The following SV2B variants were observed in gnomAD, a reference collection of about 807,000 sequenced individuals.
SV2B encodes the protein synaptic vesicle glycoprotein 2B, also known as solute carrier family 22 member B2.
In SV2B, 41 loss-of-function variants were observed where a neutral mutation model predicts 73.9. The observed-to-expected ratio is 0.56, with a 90% CI of 0.43 to 0.72. The LOEUF (loss-of-function observed/expected upper bound fraction) is 0.72. SV2B is among the 30% of genes least tolerant of loss of function. The pLI, the probability that SV2B is intolerant of heterozygous loss-of-function variation, is 0.00. For missense variants in SV2B, 764 were observed against 857.8 expected (o/e 0.89, Z 1.37); for synonymous variants, 314 against 314.2 (o/e 1.00, Z 0.01).
At chr15:91,274,511 G>A (rs887500064) in intron 9 of SV2B, among the ~76,000 whole-genome samples, 1 of 152,070 alleles carries the variant, frequency 6.6e-6, no homozygotes, top group African/African-American at 2.4e-5. Flanking sequence ...ATTCAGGTGC[G>A]GTAGTTCTTG....
intron 1 of SV2B, among the ~76,000 whole-genome samples, chr15:91,200,206 G>A (rs1365877245): frequency 6.6e-6 from 1 of 152,114 alleles, no homozygotes. Context: ...TTTGAGTTTG[G>A]TCTTTGTGGA....
chr15:91,102,612 G>A (rs1866850740), intron 1 of SV2B, among the ~76,000 whole-genome samples: 1 of 152,290 alleles, frequency 6.6e-6, no homozygotes, highest in South Asian at 2.1e-4. Flanking sequence ...TAATGAGAGA[G>A]TGTGTGTATG....
intron 1 of SV2B, among the ~76,000 whole-genome samples, chr15:91,173,513 A>G (rs183508529): frequency 6.6e-6 from 1 of 152,276 alleles, no homozygotes. Context: ...TTGTATCATG[A>G]TACTACTTCC....
chr15:91,203,745 G>A (rs1281744739), intron 1 of SV2B, among the ~76,000 whole-genome samples: 1 of 152,120 alleles, frequency 6.6e-6, no homozygotes, highest in East Asian at 1.9e-4. Flanking sequence ...CCTAACAAAC[G>A]GGGGACTTTT....
intron 2 of SV2B, among the ~76,000 whole-genome samples, chr15:91,233,511 TTA>T (rs1289950355): frequency 6.6e-6 from 1 of 152,174 alleles, no homozygotes; most frequent in Non-Finnish European, 1.5e-5. Flanking sequence ...AGTGGCTGAA[TTA>T]TAGTGAAAAT....
At position 91,252,266 on chromosome 15, in the gene SV2B, T is replaced by C; in HGVS notation, c.633-103T>C. 3 of 1,460,480 alleles carry C rather than the reference T, an allele frequency of 2.1e-6. No individual in the cohort carries two copies. In the East Asian group the frequency reaches 6.9e-5, roughly 33 times the overall value. 90.5% of individuals were successfully genotyped at this position (1,460,480 alleles called of 1,614,324 possible). On this transcript the variant is annotated intron_variant, in intron 3 of 12. Transcript: ENST00000394232. The surrounding 1 kb of genome is among the most constrained non-coding windows in gnomAD (Gnocchi z 4.6). ...CCGGTCTCTCAAATTCACTGGGTCC[T>C]TTCACCACAGAGCCTAAGGTGGGGT... is the stretch of plus-strand genomic sequence containing the variant.
At chr15:91,269,834 A>G (rs1303075526) in intron 9 of SV2B, among the ~76,000 whole-genome samples, 2 of 152,236 alleles carry the variant, frequency 1.3e-5, no homozygotes, top group Non-Finnish European at 2.9e-5. Flanking sequence ...TCAGATTTTC[A>G]GAATTTTTAA....
chr15:91,152,071 C>CT (rs59094531), intron 1 of SV2B, among the ~76,000 whole-genome samples: 33,893 of 137,168 alleles, frequency 0.25, 5,117 homozygotes, highest in East Asian at 0.63. Context: ...AATTTTTACT[C>CT]TTTTTTTTTT....
Position 91,249,068 on chromosome 15 carries a change from T to TCA in SV2B, c.452-2712_452-2711dup, listed in dbSNP as rs59552488. 6.0e-3 allele frequency among the ~76,000 whole-genome samples: 853 copies of TCA among 142,094 alleles called. 10 individuals are homozygous for TCA. The highest frequency in any genetic ancestry group is 4.7e-3 in the South Asian group (21 of 4,424). The allele number at this position is 142,094 out of a possible 152,430, so 93.2% of individuals were successfully genotyped here. The stretch of plus-strand genomic sequence containing the variant: ...TGCATGCATCCATACATCTACGTTT[T>TCA]CACACACACACACACACACACACAC... On this transcript the variant is annotated intron_variant, in intron 2 of 12. Coordinates refer to ENST00000394232, the MANE Select transcript of SV2B (RefSeq NM_001323032.3).
At chr15:91,207,669 T>G (rs989879557) in intron 1 of SV2B, among the ~76,000 whole-genome samples, 3 of 152,172 alleles carry the variant, frequency 2.0e-5, no homozygotes, top group African/African-American at 7.2e-5. Context: ...GCATACCAAC[T>G]TATTTAACGT....
At chr15:91,244,063 T>A (rs1567384552) in intron 2 of SV2B, among the ~76,000 whole-genome samples, 1 of 152,232 alleles carries the variant, frequency 6.6e-6, no homozygotes, top group Non-Finnish European at 1.5e-5. Context: ...CATTGGTGAC[T>A]CACTCAACTA....
rs2041853946 is a variant in SV2B, at chr15:91,105,336, T to C, written c.-392+4973T>C. 6.6e-6 allele frequency among the ~76,000 whole-genome samples: 1 copy of C among 151,938 alleles called. No individual in the cohort carries two copies. Among genetic ancestry groups the C allele is most frequent in the Non-Finnish European group, 1.5e-5 (1 of 67,980 alleles). On this transcript the variant is annotated intron_variant, in intron 1 of 12. Coordinates refer to ENST00000394232, the MANE Select transcript of SV2B (RefSeq NM_001323032.3). This position sits in a 1 kb window ranked among gnomAD's most constrained non-coding sequence, Gnocchi z 5.5. ...TTTATGCAAGGTGGTCAGGGTGACA[T>C]GAAGGAAGTGAAGGAGTGAGCCAGA...
Position 91,110,772 on chromosome 15 carries a change from T to C in SV2B, c.-392+10409T>C, listed in dbSNP as rs2042013954. 6.6e-6 allele frequency among the ~76,000 whole-genome samples: 1 copy of C among 152,182 alleles called. No individual in the cohort carries two copies. The highest frequency in any genetic ancestry group is 2.4e-5 in the African/African-American group (1 of 41,444). The stretch of plus-strand genomic sequence containing the variant: ...AGGAATTTAGTTCCACCCCTAGCAC[T>C]ATGACAAGTGACGAACACATCCCAC... On this transcript the variant is annotated intron_variant, in intron 1 of 12. Transcript: ENST00000394232. This position sits in a 1 kb window ranked among gnomAD's most constrained non-coding sequence, Gnocchi z 5.4.
rs2049195714 is a variant in SV2B at position 91,295,672 on chromosome 15, C to T, written c.*3120C>T. 1 of 152,222 alleles carries T rather than the reference C, an allele frequency of 6.6e-6. No homozygotes were observed. The highest frequency in any genetic ancestry group is 1.9e-4 in the East Asian group (1 of 5,198). The allele number at this position is 152,222 out of a possible 1,614,324, so 9.4% of individuals were successfully genotyped here. On this transcript the variant is annotated 3_prime_UTR_variant, in exon 13 of 13. Coordinates refer to ENST00000394232, the MANE Select transcript of SV2B (RefSeq NM_001323032.3). The stretch of plus-strand genomic sequence containing the variant: ...GGGGAATGGGACAATGTGACAAATA[C>T]TCGCCATTCCCTGAGACCATTCATT...
At chr15:91,186,101 T>C (rs536980787) in intron 1 of SV2B, among the ~76,000 whole-genome samples, 23 of 152,182 alleles carry the variant, frequency 1.5e-4, no homozygotes, top group Non-Finnish European at 3.4e-4. Flanking sequence ...GGTGTGAATT[T>C]TGGCAAAGAA....
chr15:91,248,213 A>G (rs930391368), intron 2 of SV2B, among the ~76,000 whole-genome samples: 1 of 152,030 alleles, frequency 6.6e-6, no homozygotes, highest in Admixed American at 6.5e-5. Flanking sequence ...CCCAGCTACT[A>G]GGGAGGCTGA....
chr15:91,278,337 C>G (rs1051011799), intron 9 of SV2B, among the ~76,000 whole-genome samples: 2 of 152,000 alleles, frequency 1.3e-5, no homozygotes, highest in Admixed American at 6.6e-5. Context: ...TTAGACTCTT[C>G]ATTTTTTGGA....
intron 1 of SV2B, among the ~76,000 whole-genome samples, chr15:91,195,071 A>G (rs894978340): frequency 2.0e-5 from 3 of 152,250 alleles, no homozygotes; most frequent in South Asian, 2.1e-4. Context: ...AGTCACTGAC[A>G]TAGGGGCTTC....
chr15:91,207,668 C>T (rs2045694413), intron 1 of SV2B, among the ~76,000 whole-genome samples: 1 of 152,186 alleles, frequency 6.6e-6, no homozygotes, highest in African/African-American at 2.4e-5. Flanking sequence ...AGCATACCAA[C>T]TTATTTAACG....
Sources: allele counts gnomAD v4.1 joint callset (sites outside exome capture counted in the v4.1 genomes callset), GRCh38; gene constraint gnomAD v4.1.1; non-coding constraint Gnocchi (gnomAD v3.1); transcripts MANE v1.5; gene names NCBI Gene and HGNC (gene_info 2026-07-23, HGNC 2026-07-21).